DNAH8: variants seen among roughly 807,000 people sequenced by gnomAD.
The protein encoded by DNAH8 is axonemal beta dynein heavy chain 8.
In DNAH8, 382 loss-of-function variants were observed where a neutral mutation model predicts 562.1. That is an observed-to-expected ratio of 0.68 (90% confidence interval 0.63 to 0.74). The LOEUF is 0.74. Ranked by LOEUF, DNAH8 falls within the 30% of genes least tolerant of loss-of-function variation. The pLI is 0.00. For synonymous variants in DNAH8, 1,881 were observed against 1,919.4 expected, an observed-to-expected ratio of 0.98 and a Z score of 0.52; for missense variants, 5,203 against 5,620.4, an observed-to-expected ratio of 0.93 and a Z score of 2.37.
chr6:38,948,958 G>A (rs1761655567), intron 80 of DNAH8, among the ~76,000 whole-genome samples: 1 of 152,134 alleles, frequency 6.6e-6, no homozygotes, highest in East Asian at 1.9e-4. Context: ...TGGGTTATCA[G>A]AATGGTCTGT....
chr6:38,875,605 G>A lies in DNAH8; in HGVS notation c.7635G>A (p.Leu2545=). The A allele has an allele frequency of 6.3e-7, 1 of 1,590,970 alleles. No individual in the cohort carries two copies. The highest frequency in any genetic ancestry group is 1.3e-5 in the African/African-American group (1 of 74,300). The change falls in exon 53 of 93, where the codon CTG becomes CTA. Residue 2545 remains leucine, a synonymous_variant. Coordinates refer to ENST00000327475, the MANE Select transcript of DNAH8 (RefSeq NM_001206927.2). ...CNYIVQSLNL[L]EGLIPSKEEG... ...AACATTTTCAGTCTCTCAATCTTCT[G>A]GAAGGGTTAATTCCCTCCAAAGAAG...
At chr6:38,823,082 A>C (rs773646062) in intron 27 of DNAH8, 48 bp downstream of exon 27, 12 of 1,486,018 alleles carry the variant, frequency 8.1e-6, no homozygotes, top group African/African-American at 1.4e-5. Flanking sequence ...TTTGTCTCTA[A>C]TTCTTGAGGG....
intron 32 of DNAH8, among the ~76,000 whole-genome samples, chr6:38,835,867 A>T (rs1774242401): frequency 6.7e-6 from 1 of 149,148 alleles, no homozygotes; most frequent in Non-Finnish European, 1.5e-5. Flanking sequence ...TTGAATTTTT[A>T]AAATAGTTGG....
chr6:38,994,591 A>T (rs1478440149), intron 88 of DNAH8, among the ~76,000 whole-genome samples: 2 of 150,338 alleles, frequency 1.3e-5, no homozygotes, highest in Non-Finnish European at 2.9e-5. Context: ...ATAAGTATGG[A>T]TGAAATTCTT....
chr6:39,016,667 A>C, intron 91 of DNAH8, among the ~76,000 whole-genome samples: 1 of 152,210 alleles, frequency 6.6e-6, no homozygotes, highest in Non-Finnish European at 1.5e-5. Flanking sequence ...CCTGGACCAT[A>C]AGGAAGACTA....
chr6:38,903,440 G>A (rs1334860915), intron 62 of DNAH8, among the ~76,000 whole-genome samples: 1 of 151,878 alleles, frequency 6.6e-6, no homozygotes, highest in Non-Finnish European at 1.5e-5. Flanking sequence ...CATTACCAAG[G>A]GGATAGTGCT....
At chr6:38,757,874 G>C (rs541439750) in intron 10 of DNAH8, among the ~76,000 whole-genome samples, 35 of 152,198 alleles carry the variant, frequency 2.3e-4, no homozygotes, top group African/African-American at 8.4e-4. Context: ...CTGTTCCATT[G>C]GTCTATATCT....
At chr6:38,771,756 A>G (rs34576374) in intron 12 of DNAH8, among the ~76,000 whole-genome samples, 38,722 of 149,438 alleles carry the variant, frequency 0.26, 5,559 homozygotes, top group East Asian at 0.37. Flanking sequence ...ATTCCATTGT[A>G]CGGATAATAT....
rs1033326334 is a variant in DNAH8, at chr6:38,839,079, A to G, written c.4466+1037A>G. On this transcript the variant is annotated intron_variant, in intron 33 of 92. Coordinates refer to ENST00000327475, the MANE Select transcript of DNAH8 (RefSeq NM_001206927.2). Reference sequence around the variant, plus strand: ...AACAGTCATTCTCCAAACGTAATCCATTAGCCAATTGTGTTAGAATTGCGG... The same window carrying G: ...AACAGTCATTCTCCAAACGTAATCCGTTAGCCAATTGTGTTAGAATTGCGG... Among the ~76,000 whole-genome samples, 4 of 152,172 alleles carry G rather than the reference A, an allele frequency of 2.6e-5. 1 individual carries two copies. The highest frequency in any genetic ancestry group is 4.1e-4 in the South Asian group (2 of 4,824).
chr6:38,759,387 T>G (rs1404011180), intron 10 of DNAH8, among the ~76,000 whole-genome samples: 1 of 152,192 alleles, frequency 6.6e-6, no homozygotes, highest in Non-Finnish European at 1.5e-5. Context: ...TATTTGTAAA[T>G]TATTCAAGCA....
intron 53 of DNAH8, 69 bp downstream of exon 53, chr6:38,875,897 A>T: frequency 1.0e-6 from 1 of 975,902 alleles, no homozygotes; most frequent in Non-Finnish European, 1.6e-6. Flanking sequence ...GCTTTCATAA[A>T]CTCTTCTATG....
At chr6:38,962,912 G>A (rs1251564499) in intron 82 of DNAH8, among the ~76,000 whole-genome samples, 1 of 152,160 alleles carries the variant, frequency 6.6e-6, no homozygotes, top group Admixed American at 6.5e-5. Context: ...ACTCATAAGT[G>A]GGAACTAAGC....
intron 91 of DNAH8, among the ~76,000 whole-genome samples, chr6:39,020,507 ATTTTC>A (rs535376648): frequency 9.7e-4 from 148 of 151,956 alleles, no homozygotes; most frequent in African/African-American, 3.5e-3. Context: ...CATACAATCA[ATTTTC>A]TTTTCTTTTC....
intron 17 of DNAH8, among the ~76,000 whole-genome samples, chr6:38,785,707 C>T (rs1769097873): frequency 6.6e-6 from 1 of 151,962 alleles, no homozygotes; most frequent in Non-Finnish European, 1.5e-5. Context: ...TGTTCAACTC[C>T]CACTTATGAG....
chr6:38,902,367 G>C (rs1283131883), intron 62 of DNAH8, among the ~76,000 whole-genome samples: 1 of 152,080 alleles, frequency 6.6e-6, no homozygotes, highest in Non-Finnish European at 1.5e-5. Flanking sequence ...TGGTGGATTA[G>C]AATATTCCTC....
chr6:39,017,821 CTG>C (rs528780127), intron 91 of DNAH8, among the ~76,000 whole-genome samples: 99 of 152,206 alleles, frequency 6.5e-4, no homozygotes, highest in African/African-American at 2.0e-3. Context: ...AACTTTTTGC[CTG>C]TGTGTGTGTT....
In DNAH8 at chr6:38,737,881, C is replaced by T. The variant is rs1764223762; in HGVS notation, c.1025C>T (p.Thr342Ile). Residue 342 changes from threonine to isoleucine, a missense_variant, in exon 7 of 93, where the codon ACC (threonine) becomes ATC (isoleucine). Around this residue, in one of 6 missense-constraint regions of DNAH8, gnomAD observed 556 missense variants for 496.9 expected, o/e 1.12. Transcript: ENST00000327475. ...AATGTTAATTTTTCCAAACTGCACA[C>T]CTTTGAAGAAGTAACTGCTGCAGCC... ...IDNVNFSKLH[T>I]FEEVTAAASN... 1.2e-6 allele frequency: 2 copies of T among 1,602,718 alleles called. No homozygotes were observed. The highest frequency in any genetic ancestry group is 2.7e-5 in the African/African-American group (2 of 73,916).
chr6:38,742,453 C>G (rs551130632), intron 8 of DNAH8, among the ~76,000 whole-genome samples: 2 of 151,978 alleles, frequency 1.3e-5, no homozygotes, highest in South Asian at 2.1e-4. Flanking sequence ...CATGCCCCAC[C>G]ACCACGCCCG....
chr6:38,874,222 C>T (rs1777783815), intron 52 of DNAH8, among the ~76,000 whole-genome samples: 1 of 112,930 alleles, frequency 8.9e-6, no homozygotes, highest in African/African-American at 3.4e-5. Context: ...TTCTCTCTCG[C>T]TCTCTCTTTC....
Sources: allele counts gnomAD v4.1 joint callset (sites outside exome capture counted in the v4.1 genomes callset), GRCh38; gene constraint gnomAD v4.1.1; regional missense constraint gnomAD v4.1.1; transcripts MANE v1.5; gene names NCBI Gene and HGNC (gene_info 2026-07-23, HGNC 2026-07-21).